The following SDHA variants were observed in gnomAD, a reference collection of about 807,000 sequenced individuals.
SDHA encodes succinate dehydrogenase [ubiquinone] flavoprotein subunit, mitochondrial.
In SDHA, 48 loss-of-function variants were observed where a neutral mutation model predicts 78.4. That is an observed-to-expected ratio of 0.61 (90% CI 0.49 to 0.78). The LOEUF is 0.78. SDHA is among the 30% of genes least tolerant of loss of function. The pLI, the probability that SDHA is intolerant of heterozygous loss-of-function variation, is 0.00. For missense variants in SDHA, 680 were observed against 892.7 expected (o/e 0.76, Z 3.04); for synonymous variants, 326 against 353.9 (o/e 0.92, Z 0.88).
At chr5:228,483 G>A in intron 6 of SDHA, 150 bp downstream of exon 6, 2 of 909,120 alleles carry the variant, frequency 2.2e-6, no homozygotes, top group South Asian at 3.0e-5. Flanking sequence ...GCCTTTCCCA[G>A]CCGTGGTTCC....
chr5:224,476 T>A lies in SDHA; in HGVS notation c.267T>A (p.Cys89Ter), dbSNP rs1579381753. Residue 89 changes from cysteine to a stop codon, truncating the protein, a stop_gained, in exon 3 of 15, where the codon TGT becomes TGA. Coordinates refer to ENST00000264932, the MANE Select transcript of SDHA (RefSeq NM_004168.4). LOFTEE classifies it high-confidence loss of function. ...GLSEAGFNTA[C>*]VTKLFPTRSH... ...CTGAGGCAGGGTTTAATACAGCATG[T>A]GTTACCAAGCTGTTTCCTACCAGGT... The A allele has an allele frequency of 3.1e-6, 5 of 1,613,294 alleles. No individual in the cohort carries two copies. The highest frequency in any genetic ancestry group is 8.5e-7 in the Non-Finnish European group (1 of 1,179,854).
At chr5:267,552 A>G in the SDHA span, among the ~76,000 whole-genome samples, 1 of 152,246 alleles carries the variant, frequency 6.6e-6, no homozygotes, top group Non-Finnish European at 1.5e-5. Context: ...CATCAGATGC[A>G]TAAGAGGGTG....
intron 14 of SDHA, 134 bp downstream of exon 14, chr5:254,640 C>G: frequency 7.0e-7 from 1 of 1,418,756 alleles, no homozygotes; most frequent in South Asian, 1.2e-5. Flanking sequence ...TTCGAGGCAC[C>G]GCTGAAAAAG....
chr5:229,738 T>TAGTTAACATTATACAGCATGGTCGCTAG (rs1735266537), intron 6 of SDHA, among the ~76,000 whole-genome samples: 1 of 142,906 alleles, frequency 7.0e-6, no homozygotes, highest in Non-Finnish European at 1.5e-5. Flanking sequence ...ATGGTGGCTA[T>TAGTTAACATTATACAGCATGGTCGCTAG]AGTTAACATT....
At chr5:250,896 A>G in intron 11 of SDHA, 96 bp from the exon 12 acceptor site, 1 of 1,026,996 alleles carries the variant, frequency 9.7e-7, no homozygotes, top group Non-Finnish European at 1.5e-6. Flanking sequence ...TGTAACTTTT[A>G]AGTGAAATGC....
chr5:234,026 G>A (rs1735595601), intron 8 of SDHA: 2 of 293,044 alleles, frequency 6.8e-6, no homozygotes, highest in East Asian at 1.7e-4. Context: ...AAAACAGTTT[G>A]CAGCTCTTTC....
intron 11 of SDHA, among the ~76,000 whole-genome samples, chr5:243,679 G>A (rs10055354): frequency 0.24 from 36,566 of 152,014 alleles, 6,808 homozygotes; most frequent in African/African-American, 0.52. Flanking sequence ...AAAGGTGATC[G>A]CAGATTCGGC....
chr5:267,175 A>G, the SDHA span, among the ~76,000 whole-genome samples: 7 of 152,250 alleles, frequency 4.6e-5, no homozygotes, highest in African/African-American at 1.7e-4. Flanking sequence ...TAAAAGTGGT[A>G]AGTCATTGTC....
intron 1 of SDHA, among the ~76,000 whole-genome samples, chr5:220,765 C>T (rs996639989): frequency 7.9e-5 from 12 of 151,516 alleles, no homozygotes; most frequent in African/African-American, 2.7e-4. Context: ...TGGTGATGCT[C>T]TTGAGAACCA....
chr5:231,644 C>G (rs1393001148), intron 7 of SDHA, among the ~76,000 whole-genome samples: 2 of 151,890 alleles, frequency 1.3e-5, no homozygotes. Flanking sequence ...GCAGGCAGGT[C>G]TTCTCGTTAG....
At chr5:230,594 C>G (rs1057331027) in intron 6 of SDHA, among the ~76,000 whole-genome samples, 1 of 152,152 alleles carries the variant, frequency 6.6e-6, no homozygotes, top group Non-Finnish European at 1.5e-5. Context: ...CCACTCTACT[C>G]CAGCCTGGTC....
intron 11 of SDHA, among the ~76,000 whole-genome samples, chr5:247,879 A>G (rs543049490): frequency 1.3e-5 from 2 of 152,366 alleles, no homozygotes; most frequent in East Asian, 3.9e-4. Context: ...ATCCCTTATA[A>G]TTCTCAAGGA....
chr5:220,523 A>C (rs542716571), intron 1 of SDHA, among the ~76,000 whole-genome samples: 73 of 152,354 alleles, frequency 4.8e-4, no homozygotes, highest in Admixed American at 1.8e-3. Context: ...ATGGCATTCC[A>C]TTCTGCATTC....
intron 1 of SDHA, chr5:220,337 GGTGAAGTT>G (rs1734644166): frequency 2.3e-6 from 1 of 442,296 alleles, no homozygotes; most frequent in South Asian, 1.6e-5. Flanking sequence ...GCTTACTTCA[GGTGAAGTT>G]TTTCAAATCC....
chr5:225,619 C>A (rs2126548200), intron 4 of SDHA, 57 bp downstream of exon 4: 2 of 1,612,028 alleles, frequency 1.2e-6, no homozygotes, highest in Non-Finnish European at 8.5e-7. Context: ...CAAAAGAATC[C>A]TGGAAAAAAA....
the SDHA span, among the ~76,000 whole-genome samples, chr5:264,381 G>A: frequency 1.1e-4 from 16 of 152,222 alleles, no homozygotes; most frequent in African/African-American, 1.4e-4. Flanking sequence ...GAAGGGAAGC[G>A]GGAGGTAAGA....
intron 7 of SDHA, among the ~76,000 whole-genome samples, chr5:232,309 C>T (rs565513267): frequency 6.6e-6 from 1 of 152,238 alleles, no homozygotes; most frequent in African/African-American, 2.4e-5. Context: ...CTCCCAGGCT[C>T]AAACGATCCT....
chr5:258,033 T>C (rs1579451725), downstream of SDHA, among the ~76,000 whole-genome samples: 1 of 14,120 alleles, frequency 7.1e-5, no homozygotes. Flanking sequence ...AGAGCATTAC[T>C]GGGTGAGCTC....
At chr5:240,255 A>G (rs1451831511) in intron 10 of SDHA, 103 bp from the exon 11 acceptor site, 10 of 736,240 alleles carry the variant, frequency 1.4e-5, no homozygotes, top group East Asian at 8.4e-5. Context: ...AGAGTTTCCA[A>G]GCTCCTTGAG....
Sources: gnomAD v4.1 joint callset for allele counts (sites outside exome capture counted in the v4.1 genomes callset) on GRCh38, gnomAD v4.1.1 for gene constraint, MANE v1.5 for transcripts, NCBI Gene and HGNC (gene_info 2026-07-23, HGNC 2026-07-21) for gene names.